DNMBP: variants seen among roughly 807,000 people sequenced by gnomAD.
The protein encoded by DNMBP is dynamin-binding protein.
In DNMBP, 87 loss-of-function variants were observed where a neutral mutation model predicts 150.0. The observed-to-expected ratio is 0.58, with a 90% confidence interval of 0.49 to 0.69. The LOEUF is 0.69. DNMBP is among the 30% of genes least tolerant of loss of function. The pLI, the probability that DNMBP is intolerant of heterozygous loss-of-function variation, is 0.00. For synonymous variants in DNMBP, 711 were observed against 750.4 expected (o/e 0.95, Z 0.86); for missense variants, 1,774 against 1,949.0 (o/e 0.91, Z 1.69).
At chr10:99,913,049 C>A (rs1218277384) in intron 4 of DNMBP, among the ~76,000 whole-genome samples, 2 of 152,118 alleles carry the variant, frequency 1.3e-5, no homozygotes, top group African/African-American at 2.4e-5. Context: ...AATCCTAGCG[C>A]TTTGGGAGTC....
chr10:99,907,972 T>G (rs779504839), intron 6 of DNMBP, 23 bp downstream of exon 6: 1 of 1,596,030 alleles, frequency 6.3e-7, no homozygotes, highest in Admixed American at 1.7e-5. Context: ...AAGCTGCTTC[T>G]GAAACAACAC....
intron 3 of DNMBP, among the ~76,000 whole-genome samples, chr10:99,958,730 C>T (rs1354009831): frequency 6.6e-6 from 1 of 152,180 alleles, no homozygotes; most frequent in South Asian, 2.1e-4. Context: ...TTTGGAATAA[C>T]TGAGTAGCTA....
intron 1 of DNMBP, among the ~76,000 whole-genome samples, chr10:99,980,985 A>C (rs1417703639): frequency 6.6e-6 from 1 of 152,102 alleles, no homozygotes; most frequent in Non-Finnish European, 1.5e-5. Flanking sequence ...ATTTCAGTTT[A>C]GGAAGATAAA....
chr10:99,879,109 C>T (rs564702847), intron 16 of DNMBP, among the ~76,000 whole-genome samples: 2 of 91,488 alleles, frequency 2.2e-5, no homozygotes, highest in East Asian at 2.6e-4. Context: ...AAACCCAAAA[C>T]GTTTGAGATA....
chr10:99,958,915 G>A lies in DNMBP; in HGVS notation c.269-1710C>T, dbSNP rs559551805. On this transcript the variant is annotated intron_variant, in intron 3 of 16. Transcript: ENST00000324109. ...ATTAACTCGTAAGAAATTACCAATC[G>A]TTGAATTTTGGTGCAGTGTCAACGA... Among the ~76,000 whole-genome samples the A allele has an allele frequency of 1.1e-4, 17 of 152,312 alleles. No individual in the cohort carries two copies. The East Asian group carries it at 1.3e-3, about 12-fold the overall frequency.
In DNMBP at chr10:99,955,593, A is replaced by G. The variant is rs555849602; in HGVS notation, c.1881T>C (p.Val627=). Residue 627 remains valine, a synonymous_variant, in exon 4 of 17, where the codon GTT becomes GTC. Transcript: ENST00000324109. ...TPVSTSPHLL[V]DQNLKPAPPL... ...GTGGTGCAGGTTTTAGGTTCTGGTC[A>G]ACCAGCAAATGGGGAGAAGTGGATA... 162 of 1,613,436 alleles carry G rather than the reference A, an allele frequency of 1.0e-4. No individual in the cohort carries two copies. Among genetic ancestry groups the G allele is most frequent in the Admixed American group, 1.3e-4 (8 of 59,954 alleles).
chr10:99,982,486 T>C (rs1313615066), intron 1 of DNMBP, among the ~76,000 whole-genome samples: 2 of 151,602 alleles, frequency 1.3e-5, no homozygotes, highest in Admixed American at 6.6e-5. Context: ...AAATAAAGAA[T>C]TGAGCAAAGT....
chr10:99,982,312 T>TC (rs2040787215), intron 1 of DNMBP, among the ~76,000 whole-genome samples: 1 of 151,772 alleles, frequency 6.6e-6, no homozygotes, highest in Non-Finnish European at 1.5e-5. Flanking sequence ...GGCGTGGTAG[T>TC]GCACGCCTGT....
chr10:99,980,885 A>C (rs1163425246), intron 1 of DNMBP, among the ~76,000 whole-genome samples: 2 of 152,222 alleles, frequency 1.3e-5, no homozygotes, highest in East Asian at 3.9e-4. Flanking sequence ...CAGAGGGGTC[A>C]AATTCATAAG....
chr10:99,893,704 C>A (rs906365506), intron 11 of DNMBP, among the ~76,000 whole-genome samples: 3 of 152,046 alleles, frequency 2.0e-5, no homozygotes, highest in Non-Finnish European at 2.9e-5. Flanking sequence ...TCTAGCCTGG[C>A]GAGAGTGAGA....
chr10:100,001,413 GTT>G (rs531398004), intron 1 of DNMBP, among the ~76,000 whole-genome samples: 1 of 111,270 alleles, frequency 9.0e-6, no homozygotes, highest in Non-Finnish European at 1.7e-5. Context: ...TGTTGTTGTT[GTT>G]TTTTTTTTTT....
At position 99,884,053 on chromosome 10, in the gene DNMBP, CT is replaced by C; in HGVS notation, c.3954del (p.Asp1319ThrfsTer10). 6 of 1,613,918 alleles carry C rather than the reference CT, an allele frequency of 3.7e-6. No individual in the cohort carries two copies. Among genetic ancestry groups the C allele is most frequent in the African/African-American group, 1.3e-5 (1 of 74,936 alleles). ...EGDLVGVIKK[K>X]DPMGSQNRWL... ...CAGCGGTTCTGGCTGCCCATGGGGT[CT>C]TTTTTCTTAATCACACCCACCAGGT... On this transcript the variant is annotated frameshift_variant, in exon 15 of 17. Transcript: ENST00000324109. LOFTEE classifies it high-confidence loss of function.
chr10:99,941,048 C>T (rs1020923820), intron 4 of DNMBP, among the ~76,000 whole-genome samples: 2 of 152,096 alleles, frequency 1.3e-5, no homozygotes, highest in Admixed American at 6.5e-5. Flanking sequence ...CCACACTTGG[C>T]TAATTTTTGT....
chr10:99,912,939 G>C (rs1258008682), intron 4 of DNMBP, among the ~76,000 whole-genome samples: 1 of 152,164 alleles, frequency 6.6e-6, no homozygotes, highest in Non-Finnish European at 1.5e-5. Flanking sequence ...TGAAATGACT[G>C]TAAGTATAAA....
chr10:99,912,274 T>C (rs1017936530), intron 4 of DNMBP, among the ~76,000 whole-genome samples: 1 of 152,176 alleles, frequency 6.6e-6, no homozygotes. Context: ...CAGGGGCTTA[T>C]TTGCTTCAAA....
chr10:99,929,656 T>G (rs1182906491), intron 4 of DNMBP: 3 of 702,046 alleles, frequency 4.3e-6, no homozygotes, highest in Non-Finnish European at 7.8e-6. Context: ...CTCAGGGTGC[T>G]GGGTGCTGTG....
intron 1 of DNMBP, among the ~76,000 whole-genome samples, chr10:99,990,170 T>G (rs1327527871): frequency 2.6e-5 from 4 of 152,200 alleles, no homozygotes; most frequent in African/African-American, 9.7e-5. Flanking sequence ...TTCACAGGAC[T>G]TATTTCCAGG....
intron 11 of DNMBP, chr10:99,889,474 G>A (rs992524254): frequency 5.2e-5 from 8 of 152,420 alleles, no homozygotes; most frequent in African/African-American, 1.4e-4. Context: ...GATTAGAATT[G>A]ACTAATGCTT....
In DNMBP at chr10:99,885,815, C is replaced by G; in HGVS notation, c.3670G>C (p.Glu1224Gln). ...AGTTGCTGCAGAACTCTGCTGTGCT[C>G]TTCGTGGAAGATGGCAATAAGGTTT... ...EGNLIAIFHE[E>Q]HSRVLQQLQV... Residue 1224 changes from glutamate to glutamine, a missense_variant, in exon 14 of 17, where the codon GAG (glutamate) becomes CAG (glutamine). Glu to Gln is a conservative substitution (Grantham distance 29, BLOSUM62 2). Transcript: ENST00000324109. The G allele has an allele frequency of 1.2e-6, 2 of 1,613,164 alleles. No homozygotes were observed. Among genetic ancestry groups the G allele is most frequent in the Non-Finnish European group, 1.7e-6 (2 of 1,179,728 alleles).
Sources: allele counts gnomAD v4.1 joint callset (sites outside exome capture counted in the v4.1 genomes callset), GRCh38; gene constraint gnomAD v4.1.1; transcripts MANE v1.5; gene names NCBI Gene and HGNC (gene_info 2026-07-23, HGNC 2026-07-21).